Variants in CRYZL1 observed in about 807,000 individuals in gnomAD.
The protein encoded by CRYZL1 is ferry endosomal RAB5 effector complex subunit 4.
Under a neutral mutation model 50.6 loss-of-function variants are expected in CRYZL1, and 34 were observed. The observed-to-expected ratio is 0.67, with a 90% CI of 0.51 to 0.89. CRYZL1 has a LOEUF of 0.89. CRYZL1 is among the 40% of genes least tolerant of loss of function. CRYZL1 has a pLI of 0.00. For synonymous variants in CRYZL1, 125 were observed against 134.3 expected, an observed-to-expected ratio of 0.93 and a Z score of 0.48; for missense variants, 354 against 402.3, an observed-to-expected ratio of 0.88 and a Z score of 1.03.
intron 1 of CRYZL1, among the ~76,000 whole-genome samples, chr21:33,633,334 C>CA (rs2087162869): frequency 1.3e-5 from 2 of 152,214 alleles, no homozygotes; most frequent in African/African-American, 4.8e-5. Context: ...GGTGCTACTT[C>CA]TTCCAAAGTC....
chr21:33,624,132 C>G (rs940321382), intron 3 of CRYZL1, among the ~76,000 whole-genome samples: 1 of 151,954 alleles, frequency 6.6e-6, no homozygotes, highest in African/African-American at 2.4e-5. Context: ...TACATTATGT[C>G]TGTTTTCTTA....
intron 2 of CRYZL1, among the ~76,000 whole-genome samples, chr21:33,630,782 GTA>G (rs1453555781): frequency 6.6e-6 from 1 of 152,112 alleles, no homozygotes; most frequent in East Asian, 1.9e-4. Flanking sequence ...AGAAAATGTG[GTA>G]TATATACACA....
At chr21:33,613,681 A>C in intron 5 of CRYZL1, 75 bp from the exon 6 acceptor site, 1 of 1,067,858 alleles carries the variant, frequency 9.4e-7, no homozygotes, top group South Asian at 1.3e-5. Context: ...TATTATTACA[A>C]ATTTTGTTCA....
At chr21:33,622,100 T>C in intron 3 of CRYZL1, 32 bp from the exon 4 acceptor site, 3 of 1,551,510 alleles carry the variant, frequency 1.9e-6, no homozygotes, top group South Asian at 1.1e-5. Flanking sequence ...TAACATACTA[T>C]TGTCAGAAGA....
intron 6 of CRYZL1, among the ~76,000 whole-genome samples, chr21:33,605,192 C>T (rs2086797545): frequency 1.3e-5 from 2 of 152,100 alleles, no homozygotes; most frequent in Non-Finnish European, 2.9e-5. Context: ...TAGAGCTTTA[C>T]AGGAATTCTT....
intron 6 of CRYZL1, among the ~76,000 whole-genome samples, chr21:33,604,281 G>A (rs1050915304): frequency 6.6e-6 from 1 of 150,608 alleles, no homozygotes; most frequent in Non-Finnish European, 1.5e-5. Context: ...GTGTGAACCC[G>A]GGAGGCAGAG....
intron 6 of CRYZL1, among the ~76,000 whole-genome samples, chr21:33,612,846 CTTTTT>C (rs755119139): frequency 1.1e-4 from 16 of 149,594 alleles, no homozygotes; most frequent in Non-Finnish European, 1.9e-4. Flanking sequence ...CTTTTTTTTT[CTTTTT>C]TGAGACAGAG....
At chr21:33,599,341 T>C (rs2086727589) in intron 8 of CRYZL1, 93 bp from the exon 9 acceptor site, 1 of 1,511,434 alleles carries the variant, frequency 6.6e-7, no homozygotes, top group East Asian at 2.4e-5. Flanking sequence ...CAAATAAATA[T>C]CTATTCTTGA....
intron 8 of CRYZL1, among the ~76,000 whole-genome samples, chr21:33,600,551 A>C (rs1449487892): frequency 1.3e-5 from 2 of 152,142 alleles, no homozygotes; most frequent in Non-Finnish European, 2.9e-5. Flanking sequence ...AAAGGGGGAC[A>C]AAGCAATCTA....
At chr21:33,600,933 G>GTTTTT (rs764185960) in intron 8 of CRYZL1, among the ~76,000 whole-genome samples, 11,444 of 59,542 alleles carry the variant, frequency 0.19, 3,407 homozygotes, top group Non-Finnish European at 0.21. Context: ...GGTCCATAAA[G>GTTTTT]TTTTTTTTTT....
At chr21:33,610,613 T>C (rs963518681) in intron 6 of CRYZL1, among the ~76,000 whole-genome samples, 5 of 152,216 alleles carry the variant, frequency 3.3e-5, no homozygotes, top group Non-Finnish European at 5.9e-5. Flanking sequence ...TTGCCGGTCT[T>C]AGCTTAAACT....
chr21:33,630,841 G>A lies in CRYZL1; in HGVS notation c.66+645C>T, dbSNP rs1236395833. On this transcript the variant is annotated intron_variant, in intron 2 of 12. Transcript: ENST00000381554. ...AAAAGAGTAAAATCCTGTCATTTGT[G>A]AAAATGTGGATGAATCTTGAGAACG... is the stretch of plus-strand genomic sequence containing the variant. Among the ~76,000 whole-genome samples the A allele has an allele frequency of 2.0e-5, 3 of 152,166 alleles. No homozygotes were observed. The East Asian group carries it at 5.8e-4, about 29-fold the overall frequency.
At chr21:33,612,269 C>A (rs2145935835) in intron 6 of CRYZL1, among the ~76,000 whole-genome samples, 1 of 152,090 alleles carries the variant, frequency 6.6e-6, no homozygotes, top group African/African-American at 2.4e-5. Context: ...CACATCCTTC[C>A]CACACTTTGG....
chr21:33,591,500 C>A (rs912519039), intron 11 of CRYZL1: 1 of 418,614 alleles, frequency 2.4e-6, no homozygotes. Flanking sequence ...TCAATGGATG[C>A]GAATGAAATA....
intron 6 of CRYZL1, among the ~76,000 whole-genome samples, chr21:33,605,721 A>G (rs2086806067): frequency 1.3e-5 from 2 of 151,106 alleles, no homozygotes; most frequent in Admixed American, 6.6e-5. Context: ...ACGGGGTTTC[A>G]CCATGTTGGC....
chr21:33,634,857 C>A (rs2087183999), intron 1 of CRYZL1, among the ~76,000 whole-genome samples: 1 of 142,044 alleles, frequency 7.0e-6, no homozygotes, highest in African/African-American at 2.7e-5. Flanking sequence ...CCCCTAGTAT[C>A]CCTTAAAACA....
intron 3 of CRYZL1, among the ~76,000 whole-genome samples, chr21:33,623,777 A>C (rs1425594489): frequency 3.9e-5 from 6 of 152,216 alleles, no homozygotes; most frequent in Non-Finnish European, 7.3e-5. Flanking sequence ...AACAAACAAA[A>C]AAACGGAGTA....
intron 1 of CRYZL1, among the ~76,000 whole-genome samples, chr21:33,635,416 T>A (rs1317729456): frequency 1.4e-5 from 2 of 145,786 alleles, no homozygotes; most frequent in African/African-American, 5.1e-5. Context: ...AGTGGCGCCA[T>A]CTCAGCTCAC....
chr21:33,602,857 G>A (rs2086770739), intron 7 of CRYZL1, among the ~76,000 whole-genome samples: 2 of 152,274 alleles, frequency 1.3e-5, no homozygotes, highest in South Asian at 2.1e-4. Context: ...AAGAAAAGCA[G>A]GAAGAAAGCA....
Sources: allele counts gnomAD v4.1 joint callset (sites outside exome capture counted in the v4.1 genomes callset), GRCh38; gene constraint gnomAD v4.1.1; transcripts MANE v1.5; gene names NCBI Gene and HGNC (gene_info 2026-07-23, HGNC 2026-07-21).